Variants in PDGFD observed in about 807,000 individuals in gnomAD.
The protein encoded by PDGFD is platelet-derived growth factor D.
In PDGFD, 30 loss-of-function variants were observed where a neutral mutation model predicts 44.7. The observed-to-expected ratio is 0.67, with a 90% CI of 0.50 to 0.91. PDGFD has a LOEUF of 0.91. PDGFD is among the 40% of genes least tolerant of loss of function. The pLI, the probability that PDGFD is intolerant of heterozygous loss-of-function variation, is 0.00. For missense variants in PDGFD, 445 were observed against 457.8 expected (o/e 0.97, Z 0.25); for synonymous variants, 173 against 168.4 (o/e 1.03, Z -0.21).
intron 1 of PDGFD, among the ~76,000 whole-genome samples, chr11:104,031,955 G>C (rs1860132285): frequency 6.6e-6 from 1 of 152,142 alleles, no homozygotes; most frequent in Non-Finnish European, 1.5e-5. Flanking sequence ...AGAACACATG[G>C]ACACAGGGAG....
At chr11:103,998,189 C>A (rs78450797) in intron 2 of PDGFD, among the ~76,000 whole-genome samples, 1 of 152,130 alleles carries the variant, frequency 6.6e-6, no homozygotes, top group African/African-American at 2.4e-5. Flanking sequence ...AGAGGAGCAT[C>A]TTTTTTTATT....
intron 1 of PDGFD, among the ~76,000 whole-genome samples, chr11:104,064,152 A>G (rs1860753255): frequency 1.3e-5 from 2 of 152,224 alleles, no homozygotes; most frequent in Non-Finnish European, 2.9e-5. Context: ...GTGTTTATAC[A>G]GTAGAAAATA....
At chr11:103,975,408 T>TAAATTGCA (rs1378411795) in intron 3 of PDGFD, among the ~76,000 whole-genome samples, 1 of 152,202 alleles carries the variant, frequency 6.6e-6, no homozygotes, top group Non-Finnish European at 1.5e-5. Context: ...GTTAGATGGA[T>TAAATTGCA]AAATTGCAAA....
intron 1 of PDGFD, among the ~76,000 whole-genome samples, chr11:104,107,757 C>T (rs975513109): frequency 6.6e-6 from 1 of 151,948 alleles, no homozygotes; most frequent in African/African-American, 2.4e-5. Flanking sequence ...CCTCTTTTTG[C>T]CTCAGTTTCT....
chr11:104,036,443 C>CAA (rs140080456), intron 1 of PDGFD: 27 of 216,234 alleles, frequency 1.2e-4, no homozygotes, highest in East Asian at 3.2e-4. Context: ...GATCCTGTCT[C>CAA]AAAAAAAAAT....
chr11:104,000,311 CA>C, intron 1 of PDGFD, 56 bp from the exon 2 acceptor site: 1 of 1,424,058 alleles, frequency 7.0e-7, no homozygotes, highest in Non-Finnish European at 9.8e-7. Flanking sequence ...ACAGGAAAGT[CA>C]AAAAAAGAGA....
At chr11:104,016,568 A>G (rs1393045813) in intron 1 of PDGFD, among the ~76,000 whole-genome samples, 1 of 152,226 alleles carries the variant, frequency 6.6e-6, no homozygotes, top group East Asian at 1.9e-4. Flanking sequence ...CCATCAGGGT[A>G]AAAGTAAGAA....
chr11:103,950,754 G>T (rs923548993), intron 3 of PDGFD, among the ~76,000 whole-genome samples: 2 of 152,062 alleles, frequency 1.3e-5, no homozygotes, highest in Non-Finnish European at 2.9e-5. Flanking sequence ...TGTATGGGGA[G>T]AAAAACGATG....
chr11:103,969,593 T>A lies in PDGFD; in HGVS notation c.511-21869A>T, dbSNP rs541194028. Among the ~76,000 whole-genome samples, 135 of 150,666 alleles carry A rather than the reference T, an allele frequency of 9.0e-4. 1 individual carries two copies. Among genetic ancestry groups the A allele is most frequent in the African/African-American group, 3.2e-3 (131 of 41,146 alleles). On this transcript the variant is annotated intron_variant, in intron 3 of 6. Coordinates refer to ENST00000393158, the MANE Select transcript of PDGFD (RefSeq NM_025208.5). ...ATTTTAGGGCTGTGTGAAAATAATA[T>A]CTTCTCTATATTTTTGTCCTGTGAT...
chr11:104,020,773 A>T (rs1859937355), intron 1 of PDGFD, among the ~76,000 whole-genome samples: 1 of 152,184 alleles, frequency 6.6e-6, no homozygotes, highest in South Asian at 2.1e-4. Context: ...TTCTGTTTGA[A>T]TAGTTTCAAA....
At chr11:104,078,057 G>A (rs1297492646) in intron 1 of PDGFD, among the ~76,000 whole-genome samples, 1 of 152,150 alleles carries the variant, frequency 6.6e-6, no homozygotes, top group African/African-American at 2.4e-5. Context: ...GGCCTTTGAT[G>A]TAGGTTTGCA....
At chr11:104,121,347 TGTGAATACATTTCACC>T (rs943556030) in intron 1 of PDGFD, among the ~76,000 whole-genome samples, 6 of 152,036 alleles carry the variant, frequency 3.9e-5, no homozygotes, top group Non-Finnish European at 8.8e-5. Context: ...CTGTATTTGC[TGTGAATACATTTCACC>T]GTGCTCAGAA....
At chr11:104,043,384 A>C (rs1345949715) in intron 1 of PDGFD, among the ~76,000 whole-genome samples, 1 of 152,196 alleles carries the variant, frequency 6.6e-6, no homozygotes, top group Non-Finnish European at 1.5e-5. Flanking sequence ...AAGTCTTCCA[A>C]AGTCCCTTTC....
intron 1 of PDGFD, among the ~76,000 whole-genome samples, chr11:104,013,940 G>T (rs1001294474): frequency 6.6e-6 from 1 of 152,100 alleles, no homozygotes. Flanking sequence ...CTTGATCTTT[G>T]TCAGAATTCA....
At chr11:104,157,230 T>G (rs188092356) in intron 1 of PDGFD, among the ~76,000 whole-genome samples, 1 of 152,126 alleles carries the variant, frequency 6.6e-6, no homozygotes, top group Non-Finnish European at 1.5e-5. Context: ...TTTGGGGATT[T>G]GGGTTTAAGA....
chr11:103,972,786 A>G (rs953892666), intron 3 of PDGFD, among the ~76,000 whole-genome samples: 4 of 152,230 alleles, frequency 2.6e-5, no homozygotes, highest in African/African-American at 9.6e-5. Flanking sequence ...ACGTGAGTAG[A>G]ACTCATTTTA....
intron 1 of PDGFD, among the ~76,000 whole-genome samples, chr11:104,097,091 G>A (rs553600900): frequency 6.6e-6 from 1 of 152,258 alleles, no homozygotes; most frequent in African/African-American, 2.4e-5. Context: ...CAAGAGGTTT[G>A]CCCCAGACCT....
chr11:103,966,753 A>C (rs1859026177), intron 3 of PDGFD, among the ~76,000 whole-genome samples: 1 of 152,224 alleles, frequency 6.6e-6, no homozygotes, highest in Admixed American at 6.5e-5. Context: ...AAAATGGGGC[A>C]CCATGGGCAC....
intron 1 of PDGFD, among the ~76,000 whole-genome samples, chr11:104,113,937 C>A (rs1001648868): frequency 3.9e-5 from 6 of 151,906 alleles, no homozygotes; most frequent in African/African-American, 1.2e-4. Context: ...TTTGGCCCAA[C>A]TTTTAATTTG....
Sources: gnomAD v4.1 joint callset for allele counts (sites outside exome capture counted in the v4.1 genomes callset) on GRCh38, gnomAD v4.1.1 for gene constraint, MANE v1.5 for transcripts, NCBI Gene and HGNC (gene_info 2026-07-23, HGNC 2026-07-21) for gene names.